COBLL1: variants seen among roughly 807,000 people sequenced by gnomAD.
COBLL1 encodes cordon-bleu protein-like 1.
COBLL1 carries 50 observed loss-of-function variants against 94.8 expected under a neutral mutation model. That is an observed-to-expected ratio of 0.53 (90% CI 0.42 to 0.67). COBLL1 has a LOEUF of 0.67. Among genes scored for constraint, COBLL1 ranks in the 30% least tolerant of loss-of-function variants. The pLI is 0.00. For missense variants in COBLL1, 1,362 were observed against 1,348.7 expected, an observed-to-expected ratio of 1.01 and a Z score of -0.15; for synonymous variants, 448 against 473.8, an observed-to-expected ratio of 0.95 and a Z score of 0.71.
At chr2:164,749,682 T>C (rs1248383241) in intron 2 of COBLL1, among the ~76,000 whole-genome samples, 2 of 152,174 alleles carry the variant, frequency 1.3e-5, no homozygotes, top group African/African-American at 4.8e-5. Flanking sequence ...AATAAAGCCC[T>C]TTTTTCTTGA....
At chr2:164,752,732 C>A (rs1687189942) in intron 2 of COBLL1, among the ~76,000 whole-genome samples, 1 of 152,074 alleles carries the variant, frequency 6.6e-6, no homozygotes, top group African/African-American at 2.4e-5. Flanking sequence ...ATACCCCAGC[C>A]CTACCACTGA....
At chr2:164,763,006 C>CT (rs1223067508) in intron 2 of COBLL1, among the ~76,000 whole-genome samples, 1 of 152,036 alleles carries the variant, frequency 6.6e-6, no homozygotes, top group East Asian at 1.9e-4. Context: ...GCCTATCATC[C>CT]TTTTTTAAAA....
downstream of COBLL1, among the ~76,000 whole-genome samples, chr2:164,676,930 T>C (rs528313432): frequency 6.6e-6 from 1 of 152,286 alleles, no homozygotes; most frequent in African/African-American, 2.4e-5. Context: ...AACCAATTTA[T>C]ATAATAAACA....
intron 2 of COBLL1, among the ~76,000 whole-genome samples, chr2:164,821,172 C>G (rs957366046): frequency 6.6e-6 from 1 of 152,118 alleles, no homozygotes; most frequent in African/African-American, 2.4e-5. Context: ...CAGGCATGAG[C>G]CACTGTGCCC....
chr2:164,686,488 T>G (rs1362316202), intron 13 of COBLL1, among the ~76,000 whole-genome samples: 2 of 152,138 alleles, frequency 1.3e-5, no homozygotes, highest in Admixed American at 1.3e-4. Flanking sequence ...GGCCCCCTAT[T>G]TATTCAAAAC....
At chr2:164,674,223 G>A (rs1335420211) in intron 1 of COBLL1, among the ~76,000 whole-genome samples, 1 of 152,034 alleles carries the variant, frequency 6.6e-6, no homozygotes, top group Non-Finnish European at 1.5e-5. Context: ...ACCAGACCCA[G>A]CTAATTTTTG....
intron 7 of COBLL1, among the ~76,000 whole-genome samples, chr2:164,718,714 G>T (rs1685299713): frequency 6.6e-6 from 1 of 152,094 alleles, no homozygotes; most frequent in African/African-American, 2.4e-5. Context: ...TTCAGAGAAG[G>T]TAAAGATTAT....
chr2:164,815,040 A>C (rs934263149), intron 2 of COBLL1, among the ~76,000 whole-genome samples: 8 of 152,196 alleles, frequency 5.3e-5, no homozygotes, highest in African/African-American at 1.9e-4. Context: ...CACTGAAATC[A>C]CTAGTTTCTA....
chr2:164,828,398 T>C (rs998656235), intron 2 of COBLL1, among the ~76,000 whole-genome samples: 1 of 151,856 alleles, frequency 6.6e-6, no homozygotes, highest in African/African-American at 2.4e-5. Flanking sequence ...AAAGGGTGAG[T>C]GAGGGGAATA....
At chr2:164,784,624 CTTCT>C (rs1417361444) in intron 2 of COBLL1, among the ~76,000 whole-genome samples, 1 of 152,038 alleles carries the variant, frequency 6.6e-6, no homozygotes, top group Non-Finnish European at 1.5e-5. Context: ...TCCTCCCTTC[CTTCT>C]GTTTGCATAA....
intron 2 of COBLL1, among the ~76,000 whole-genome samples, chr2:164,776,579 T>C (rs764682291): frequency 3.8e-4 from 57 of 151,114 alleles, no homozygotes; most frequent in Non-Finnish European, 6.8e-4. Context: ...TTTTTTTTAA[T>C]TTATTTTGTC....
intron 1 of COBLL1, among the ~76,000 whole-genome samples, chr2:164,672,493 T>C (rs996324747): frequency 6.7e-6 from 1 of 150,198 alleles, no homozygotes; most frequent in Non-Finnish European, 1.5e-5. Flanking sequence ...GGTCAGGAGA[T>C]CGAGACCATC....
At chr2:164,819,567 T>G (rs1465146512) in intron 2 of COBLL1, among the ~76,000 whole-genome samples, 1 of 152,042 alleles carries the variant, frequency 6.6e-6, no homozygotes, top group Non-Finnish European at 1.5e-5. Context: ...GAAAATGCAA[T>G]GAAAGCTCAG....
intron 2 of COBLL1, among the ~76,000 whole-genome samples, chr2:164,783,454 G>T (rs76783103): frequency 1.3e-5 from 2 of 151,982 alleles, no homozygotes; most frequent in Non-Finnish European, 2.9e-5. Context: ...GAAAAGAGAG[G>T]AGAGAGGAGA....
Position 164,796,725 on chromosome 2 carries a change from A to AAAC in COBLL1, c.41+44430_41+44431insGTT, listed in dbSNP as rs756287598. On this transcript the variant is annotated intron_variant, in intron 2 of 13. Coordinates refer to ENST00000652658, the MANE Select transcript of COBLL1 (RefSeq NM_001365672.2). ...CCTTCCAAAAAAAAAAAAAAAAAAA[A>AAAC]AGGAGAGGGAAGGTCAAGGGGGAAG... Among the ~76,000 whole-genome samples, 1,361 of 143,654 alleles carry AAAC rather than the reference A, an allele frequency of 9.5e-3. 16 individuals carry two copies. Among genetic ancestry groups the AAAC allele is most frequent in the African/African-American group, 0.014 (541 of 39,512 alleles). 94.2% of individuals were successfully genotyped at this position (143,654 alleles called of 152,430 possible). A position where few individuals can be genotyped will look rare whatever the true frequency, so the allele number is the denominator to read the frequency against.
rs1019949491 is a variant in COBLL1, at chr2:164,684,639, T to C, written c.*1307A>G. 12 of 152,130 alleles carry C rather than the reference T, an allele frequency of 7.9e-5. No individual in the cohort carries two copies. The highest frequency in any genetic ancestry group is 2.2e-4 in the African/African-American group (9 of 41,436). 9.4% of individuals were successfully genotyped at this position (152,130 alleles called of 1,614,324 possible). ...CCAGGGCTTAAATGTACACTAGGGA[T>C]CCCTGATAAATGGTAAATCTTACAA... On this transcript the variant is annotated 3_prime_UTR_variant, in exon 14 of 14. Coordinates refer to ENST00000652658, the MANE Select transcript of COBLL1 (RefSeq NM_001365672.2).
upstream of COBLL1, chr2:164,842,064 A>G: frequency 6.7e-7 from 1 of 1,496,384 alleles, no homozygotes; most frequent in Non-Finnish European, 9.0e-7. Context: ...GGAAGCAGCG[A>G]GCCGGAGAGA....
At chr2:164,803,370 C>A (rs1397193819) in intron 2 of COBLL1, among the ~76,000 whole-genome samples, 1 of 151,522 alleles carries the variant, frequency 6.6e-6, no homozygotes, top group Non-Finnish European at 1.5e-5. Flanking sequence ...TCGAGACCAT[C>A]CCGGCTAAAA....
At chr2:164,810,773 G>C (rs1684421639) in intron 2 of COBLL1, among the ~76,000 whole-genome samples, 1 of 151,758 alleles carries the variant, frequency 6.6e-6, no homozygotes, top group African/African-American at 2.4e-5. Flanking sequence ...TTGAAAAGAA[G>C]TATAAGAAAA....
Sources: allele counts gnomAD v4.1 joint callset (sites outside exome capture counted in the v4.1 genomes callset), GRCh38; gene constraint gnomAD v4.1.1; transcripts MANE v1.5; gene names NCBI Gene and HGNC (gene_info 2026-07-23, HGNC 2026-07-21).